Variants in TMEM117 observed in about 807,000 individuals in gnomAD.
The protein encoded by TMEM117 is transmembrane protein 117.
In TMEM117, 27 loss-of-function variants were observed where a neutral mutation model predicts 52.4. That is an observed-to-expected ratio of 0.51 (90% CI 0.38 to 0.71). The LOEUF (loss-of-function observed/expected upper bound fraction) is 0.71. Ranked by LOEUF, TMEM117 falls within the 30% of genes least tolerant of loss-of-function variation. TMEM117 has a pLI of 0.00. For missense variants in TMEM117, 556 were observed against 630.5 expected, an observed-to-expected ratio of 0.88 and a Z score of 1.26; for synonymous variants, 215 against 206.3, an observed-to-expected ratio of 1.04 and a Z score of -0.36.
intron 5 of TMEM117, among the ~76,000 whole-genome samples, chr12:44,278,013 C>T (rs1011248453): frequency 4.6e-5 from 7 of 151,972 alleles, no homozygotes; most frequent in South Asian, 2.1e-4. Context: ...CTGCCTGCCT[C>T]GGCCTCCTAA....
the TMEM117 span, among the ~76,000 whole-genome samples, chr12:43,807,131 T>G: frequency 4.6e-5 from 7 of 151,320 alleles, no homozygotes; most frequent in African/African-American, 7.3e-5. Flanking sequence ...GGGGGTTTGG[T>G]TTTTTTTTGG....
At chr12:43,954,368 G>A (rs1945273579) in intron 3 of TMEM117, among the ~76,000 whole-genome samples, 2 of 151,900 alleles carry the variant, frequency 1.3e-5, no homozygotes, top group Admixed American at 6.6e-5. Flanking sequence ...CCAGGAGCTG[G>A]TTTTTTGAAA....
the TMEM117 span, among the ~76,000 whole-genome samples, chr12:43,812,211 G>T: frequency 1.3e-5 from 2 of 152,098 alleles, no homozygotes. Context: ...TTCATTCTTT[G>T]TTACCTACAG....
chr12:43,823,733 C>T, the TMEM117 span, among the ~76,000 whole-genome samples: 2 of 151,862 alleles, frequency 1.3e-5, no homozygotes, highest in African/African-American at 4.8e-5. Context: ...AGGATGGTCT[C>T]GATCTGTTGA....
intron 3 of TMEM117, among the ~76,000 whole-genome samples, chr12:44,001,799 C>T (rs928954501): frequency 2.6e-5 from 4 of 151,820 alleles, no homozygotes; most frequent in Admixed American, 1.3e-4. Context: ...TGCAGCTTTA[C>T]GAGTGGAAGA....
chr12:44,353,929 G>A (rs147727844), intron 6 of TMEM117, among the ~76,000 whole-genome samples: 2,219 of 152,300 alleles, frequency 0.015, 65 homozygotes, highest in African/African-American at 0.05. Flanking sequence ...CTACCCATGA[G>A]CATGGAATGT....
intron 3 of TMEM117, among the ~76,000 whole-genome samples, chr12:43,956,845 C>T (rs570378080): frequency 6.6e-6 from 1 of 152,274 alleles, no homozygotes; most frequent in African/African-American, 2.4e-5. Context: ...TATAAAGGCA[C>T]ATGCACACCT....
chr12:43,856,197 A>G (rs1009288417), intron 2 of TMEM117, among the ~76,000 whole-genome samples: 4 of 152,322 alleles, frequency 2.6e-5, no homozygotes, highest in Admixed American at 2.6e-4. Context: ...CTATATAGCC[A>G]AATGCCATGT....
At chr12:43,949,901 A>T (rs1195489527) in intron 3 of TMEM117, among the ~76,000 whole-genome samples, 1 of 152,130 alleles carries the variant, frequency 6.6e-6, no homozygotes, top group African/African-American at 2.4e-5. Flanking sequence ...TGGATTTTAG[A>T]ACCTCAAAAC....
At chr12:44,008,379 A>G (rs893757721) in intron 3 of TMEM117, among the ~76,000 whole-genome samples, 2 of 152,192 alleles carry the variant, frequency 1.3e-5, no homozygotes, top group African/African-American at 4.8e-5. Flanking sequence ...ATATAGATAG[A>G]TAGGTAAAGA....
chr12:44,126,018 T>C (rs759966287), intron 3 of TMEM117, among the ~76,000 whole-genome samples: 2 of 152,174 alleles, frequency 1.3e-5, no homozygotes, highest in Non-Finnish European at 2.9e-5. Context: ...ATGTAGTATA[T>C]GGTTTGAGTG....
At chr12:43,810,446 T>C in the TMEM117 span, among the ~76,000 whole-genome samples, 1 of 152,162 alleles carries the variant, frequency 6.6e-6, no homozygotes, top group Non-Finnish European at 1.5e-5. Context: ...GGGACAACCT[T>C]CCTTGTCCTT....
chr12:43,954,226 C>T (rs561315616), intron 3 of TMEM117, among the ~76,000 whole-genome samples: 8 of 152,216 alleles, frequency 5.3e-5, no homozygotes, highest in Non-Finnish European at 1.2e-4. Context: ...GACACCCTAA[C>T]ATCACAACTA....
the TMEM117 span, among the ~76,000 whole-genome samples, chr12:43,818,884 T>A: frequency 6.6e-6 from 1 of 152,240 alleles, no homozygotes; most frequent in Non-Finnish European, 1.5e-5. Flanking sequence ...CTCTTTCCAC[T>A]TTTTATTTCT....
intron 3 of TMEM117, among the ~76,000 whole-genome samples, chr12:44,137,788 G>T (rs868271924): frequency 6.6e-6 from 1 of 152,054 alleles, no homozygotes; most frequent in African/African-American, 2.4e-5. Context: ...CTACCACTGG[G>T]TCCCTCCCAC....
rs114335769 is a variant in TMEM117, at chr12:44,365,543, A to G, written c.769-11052A>G. 4.8e-3 allele frequency among the ~76,000 whole-genome samples: 733 copies of G among 152,204 alleles called. 8 individuals are homozygous for G. The highest frequency in any genetic ancestry group is 0.016 in the African/African-American group (648 of 41,548). On this transcript the variant is annotated intron_variant, in intron 6 of 7. Transcript: ENST00000266534. ...ATCCTTTTGGTATCAATTGTGCAGC[A>G]TTGGACAAGCTATTTAACTGCTCTG...
At chr12:43,929,067 G>A (rs1944830233) in intron 2 of TMEM117, among the ~76,000 whole-genome samples, 1 of 151,670 alleles carries the variant, frequency 6.6e-6, no homozygotes, top group African/African-American at 2.4e-5. Context: ...GTGTGCATGT[G>A]TCTTTATAGC....
intron 3 of TMEM117, among the ~76,000 whole-genome samples, chr12:43,969,356 T>TTAAAAAAA (rs1555189078): frequency 8.8e-5 from 7 of 79,568 alleles, no homozygotes; most frequent in African/African-American, 4.3e-4. Context: ...CCGTCTCTAC[T>TTAAAAAAA]AAAAAAAAAA....
At chr12:44,227,331 G>A (rs770808538) in intron 5 of TMEM117, among the ~76,000 whole-genome samples, 1 of 152,100 alleles carries the variant, frequency 6.6e-6, no homozygotes, top group Admixed American at 6.6e-5. Flanking sequence ...AGGCATGGTG[G>A]CATGTACCTG....
Sources: gnomAD v4.1 joint callset for allele counts (sites outside exome capture counted in the v4.1 genomes callset) on GRCh38, gnomAD v4.1.1 for gene constraint, MANE v1.5 for transcripts, NCBI Gene and HGNC (gene_info 2026-07-23, HGNC 2026-07-21) for gene names.